Variants in SKAP2 observed in about 807,000 individuals in gnomAD.
The protein encoded by SKAP2 is src kinase-associated phosphoprotein 2.
In SKAP2, 28 loss-of-function variants were observed where a neutral mutation model predicts 54.9. That is an observed-to-expected ratio of 0.51 (90% CI 0.38 to 0.70). The LOEUF (loss-of-function observed/expected upper bound fraction) is 0.70, where lower values mean the gene tolerates loss of function less well. Ranked by LOEUF, SKAP2 falls within the 30% of genes least tolerant of loss-of-function variation. SKAP2 has a pLI of 0.00. For missense variants in SKAP2, 356 were observed against 424.1 expected (o/e 0.84, Z 1.41); for synonymous variants, 137 against 134.3 (o/e 1.02, Z -0.14).
intron 4 of SKAP2, among the ~76,000 whole-genome samples, chr7:26,763,565 TTGAG>T (rs1438004439): frequency 6.6e-6 from 1 of 152,146 alleles, no homozygotes; most frequent in Non-Finnish European, 1.5e-5. Context: ...GAGAGATACT[TTGAG>T]ATGACGTAAA....
chr7:26,743,644 T>C (rs1584363600), intron 4 of SKAP2, among the ~76,000 whole-genome samples: 1 of 152,190 alleles, frequency 6.6e-6, no homozygotes, highest in Non-Finnish European at 1.5e-5. Flanking sequence ...ACTAGTTTTC[T>C]TTTTATAAAA....
At chr7:26,817,570 T>C (rs935485804) in intron 4 of SKAP2, among the ~76,000 whole-genome samples, 3 of 152,102 alleles carry the variant, frequency 2.0e-5, no homozygotes, top group Admixed American at 2.0e-4. Context: ...ACAACAACAT[T>C]AAGACTTTAA....
chr7:26,664,438 G>A (rs777928311), downstream of SKAP2, among the ~76,000 whole-genome samples: 2 of 152,046 alleles, frequency 1.3e-5, no homozygotes, highest in Non-Finnish European at 2.9e-5. Flanking sequence ...TGGGAGGGGA[G>A]GGTAGTAGAT....
At chr7:26,856,075 T>C (rs1429707690) in intron 1 of SKAP2, among the ~76,000 whole-genome samples, 1 of 152,156 alleles carries the variant, frequency 6.6e-6, no homozygotes, top group Non-Finnish European at 1.5e-5. Flanking sequence ...ATTACAAAAG[T>C]ATCTTGATCC....
chr7:26,666,944 G>C (rs1786114275), downstream of SKAP2: 1 of 152,132 alleles, frequency 6.6e-6, no homozygotes, highest in Non-Finnish European at 1.5e-5. Flanking sequence ...GATGGCATTA[G>C]AATCATTTAC....
At chr7:26,851,155 C>A (rs539391959) in intron 3 of SKAP2, among the ~76,000 whole-genome samples, 1 of 151,044 alleles carries the variant, frequency 6.6e-6, no homozygotes, top group South Asian at 2.1e-4. Flanking sequence ...CAGGGTGGCT[C>A]ATGCCTGTGA....
chr7:26,754,292 A>G (rs1482328744), intron 4 of SKAP2, among the ~76,000 whole-genome samples: 1 of 151,490 alleles, frequency 6.6e-6, no homozygotes, highest in Non-Finnish European at 1.5e-5. Context: ...TGAATACAGG[A>G]GGCAGACGTT....
intron 4 of SKAP2, among the ~76,000 whole-genome samples, chr7:26,741,567 TAAA>T (rs779807043): frequency 0.13 from 13,047 of 100,128 alleles, 699 homozygotes; most frequent in African/African-American, 0.18. Context: ...AATAAATAAA[TAAA>T]TAAATAAATT....
Position 26,717,370 on chromosome 7 carries a change from C to T in SKAP2, c.796+8058G>A, listed in dbSNP as rs879437045. 4.0e-5 allele frequency among the ~76,000 whole-genome samples: 6 copies of T among 151,538 alleles called. 1 individual carries two copies. Among genetic ancestry groups the T allele is most frequent in the African/African-American group, 4.8e-5 (2 of 41,350 alleles). ...ACAAAAAAATTAAAAATTAGCCAGG[C>T]GTGGTGGCATGCACCTGTAGTTCCA... On this transcript the variant is annotated intron_variant, in intron 9 of 12. Transcript: ENST00000345317.
At chr7:26,812,662 G>T (rs192679652) in intron 4 of SKAP2, among the ~76,000 whole-genome samples, 1 of 151,962 alleles carries the variant, frequency 6.6e-6, no homozygotes, top group East Asian at 1.9e-4. Flanking sequence ...AAATAGTTTC[G>T]CATTATTTCT....
chr7:26,773,702 T>C (rs1054093245), intron 4 of SKAP2, among the ~76,000 whole-genome samples: 3 of 152,200 alleles, frequency 2.0e-5, no homozygotes, highest in African/African-American at 7.2e-5. Context: ...ACCACATATA[T>C]GTCAAGAATC....
chr7:26,806,365 C>A (rs1389860079), intron 4 of SKAP2, among the ~76,000 whole-genome samples: 1 of 151,966 alleles, frequency 6.6e-6, no homozygotes, highest in Non-Finnish European at 1.5e-5. Flanking sequence ...CTAGCCTGGG[C>A]AATATAGTGA....
chr7:26,705,198 T>C (rs1370677460), intron 9 of SKAP2, among the ~76,000 whole-genome samples: 1 of 152,200 alleles, frequency 6.6e-6, no homozygotes, highest in Non-Finnish European at 1.5e-5. Context: ...AACAACTGAT[T>C]TTTTTTAAAG....
intron 9 of SKAP2, among the ~76,000 whole-genome samples, chr7:26,712,329 A>G (rs914152405): frequency 6.6e-6 from 1 of 152,196 alleles, no homozygotes; most frequent in African/African-American, 2.4e-5. Flanking sequence ...CTTAAATACA[A>G]GTTTGATATG....
chr7:26,787,179 T>A (rs527753309), intron 4 of SKAP2, among the ~76,000 whole-genome samples: 3 of 152,176 alleles, frequency 2.0e-5, no homozygotes, highest in Non-Finnish European at 4.4e-5. Context: ...TAACCACCAG[T>A]ATTAGGCTGT....
At chr7:26,773,720 A>T (rs1348604602) in intron 4 of SKAP2, among the ~76,000 whole-genome samples, 2 of 152,222 alleles carry the variant, frequency 1.3e-5, no homozygotes, top group Admixed American at 1.3e-4. Flanking sequence ...ATCCCTAGGG[A>T]GGCACAAAAA....
intron 9 of SKAP2, among the ~76,000 whole-genome samples, chr7:26,724,989 A>C (rs942887088): frequency 3.9e-5 from 6 of 152,098 alleles, no homozygotes; most frequent in Non-Finnish European, 7.4e-5. Flanking sequence ...ACTACAAGCA[A>C]GGAGAAATAC....
chr7:26,845,671 C>T (rs1784905930), intron 3 of SKAP2, among the ~76,000 whole-genome samples: 1 of 152,170 alleles, frequency 6.6e-6, no homozygotes, highest in East Asian at 1.9e-4. Flanking sequence ...GTGCTCACGC[C>T]TGTAATCTCA....
At position 26,725,568 on chromosome 7, in the gene SKAP2, A is replaced by G; in HGVS notation, c.659-3T>C. ...AGGAATAATATCAGATTCCATATCT[A>G]TAAAACACATTTCATGAAGTAAATT... On this transcript the variant is annotated splice_region_variant and splice_polypyrimidine_tract_variant and intron_variant, in intron 8 of 12. Coordinates refer to ENST00000345317, the MANE Select transcript of SKAP2 (RefSeq NM_003930.5). The G allele has an allele frequency of 6.3e-7, 1 of 1,577,056 alleles. No individual in the cohort carries two copies.
Sources: allele counts gnomAD v4.1 joint callset (sites outside exome capture counted in the v4.1 genomes callset), GRCh38; gene constraint gnomAD v4.1.1; transcripts MANE v1.5; gene names NCBI Gene and HGNC (gene_info 2026-07-23, HGNC 2026-07-21).